Variants in KIF13A observed in about 807,000 individuals in gnomAD.
The protein encoded by KIF13A is kinesin family member 13A, also known as kinesin-like protein KIF13A.
Under a neutral mutation model 212.2 loss-of-function variants are expected in KIF13A, and 79 were observed. The observed-to-expected ratio is 0.37, with a 90% confidence interval of 0.31 to 0.45. The LOEUF (loss-of-function observed/expected upper bound fraction) is 0.45. Among genes scored for constraint, KIF13A ranks in the 20% least tolerant of loss-of-function variants. KIF13A has a pLI of 1.00. For synonymous variants in KIF13A, 789 were observed against 808.6 expected (o/e 0.98, Z 0.41); for missense variants, 1,901 against 2,209.0 (o/e 0.86, Z 2.79).
chr6:17,888,435 G>A lies in KIF13A; in HGVS notation c.159+9733C>T, dbSNP rs529718207. Among the ~76,000 whole-genome samples the A allele has an allele frequency of 1.3e-5, 2 of 152,294 alleles. No individual in the cohort carries two copies. The highest frequency in any genetic ancestry group is 4.8e-5 in the African/African-American group (2 of 41,564). On this transcript the variant is annotated intron_variant, in intron 3 of 38. Transcript: ENST00000259711. This position sits in a 1 kb window ranked among gnomAD's most constrained non-coding sequence, Gnocchi z 4.8. ...GCCTTAGGAAGTATACTGGTGTTCA[G>A]TACTAAGCCATGGGTTTGATCTGAA...
chr6:17,915,878 T>C lies in KIF13A; in HGVS notation c.147-17698A>G, dbSNP rs953048865. On this transcript the variant is annotated intron_variant, in intron 2 of 38. Coordinates refer to ENST00000259711, the MANE Select transcript of KIF13A (RefSeq NM_022113.6). This position sits in a 1 kb window ranked among gnomAD's most constrained non-coding sequence, Gnocchi z 4.4. ...CCAAGAGGCTGAGGTGGTAGGATCA[T>C]TGCAGTAAGCCAAGATGGCACCACT... 6.6e-5 allele frequency among the ~76,000 whole-genome samples: 10 copies of C among 151,514 alleles called. No homozygotes were observed. The highest frequency in any genetic ancestry group is 2.1e-4 in the South Asian group (1 of 4,818).
downstream of KIF13A, among the ~76,000 whole-genome samples, chr6:17,762,801 G>T (rs1243530890): frequency 2.0e-5 from 3 of 152,114 alleles, no homozygotes; most frequent in Non-Finnish European, 4.4e-5. Flanking sequence ...TCTTTTTCTT[G>T]TCAGAGATGA....
intron 32 of KIF13A, 82 bp from the exon 33 acceptor site, chr6:17,779,181 G>T: frequency 8.9e-7 from 1 of 1,129,688 alleles, no homozygotes; most frequent in Non-Finnish European, 1.3e-6. Context: ...CGTTTTAGAA[G>T]TCTGGAGAAT....
At chr6:17,835,791 T>TA (rs1177402126) in intron 11 of KIF13A, among the ~76,000 whole-genome samples, 9 of 152,230 alleles carry the variant, frequency 5.9e-5, no homozygotes, top group Admixed American at 5.9e-4. Flanking sequence ...TACTTTTTGA[T>TA]AAAATATGCT....
At position 17,799,133 on chromosome 6, in the gene KIF13A, G is replaced by A; in HGVS notation, c.2790+133C>T. On this transcript the variant is annotated intron_variant, in intron 22 of 38. Transcript: ENST00000259711. The surrounding 1 kb of genome is among the most constrained non-coding windows in gnomAD (Gnocchi z 4.4). ...TCTAAACTATTTGCATTTGTAATGA[G>A]GTACATTTTTGAGGTTAAAACATCT... 2.1e-6 allele frequency: 1 copy of A among 477,252 alleles called. No homozygotes were observed. Among genetic ancestry groups the A allele is most frequent in the Middle Eastern group, 5.7e-4 (1 of 1,758 alleles). The allele number at this position is 477,252 out of a possible 1,614,324, so 29.6% of individuals were successfully genotyped here.
At chr6:17,790,600 G>C (rs1761447399) in intron 25 of KIF13A, among the ~76,000 whole-genome samples, 1 of 152,082 alleles carries the variant, frequency 6.6e-6, no homozygotes, top group Non-Finnish European at 1.5e-5. Context: ...ATCTCAGTTT[G>C]AGCAATGAGG....
chr6:17,765,886 CAAAT>C (rs1758903511), intron 38 of KIF13A, among the ~76,000 whole-genome samples: 1 of 152,208 alleles, frequency 6.6e-6, no homozygotes, highest in African/African-American at 2.4e-5. Context: ...TTTCATTCAA[CAAAT>C]ACACACTGAA....
intron 2 of KIF13A, among the ~76,000 whole-genome samples, chr6:17,978,403 C>T (rs1780771593): frequency 6.6e-6 from 1 of 152,142 alleles, no homozygotes; most frequent in South Asian, 2.1e-4. Context: ...AAGATAACTC[C>T]TGGATCTCAC....
rs759510643 is a variant in KIF13A at position 17,789,931 on chromosome 6, C to G, written c.3223-21G>C. On this transcript the variant is annotated intron_variant, in intron 25 of 38. Transcript: ENST00000259711. This position sits in a 1 kb window ranked among gnomAD's most constrained non-coding sequence, Gnocchi z 4.8. ...TCTCTCTGGTAGGAAAAAATAAACA[C>G]AAAGGACAAGCATTTTGTTTTTCAA... is the stretch of plus-strand genomic sequence containing the variant. 6.2e-7 allele frequency: 1 copy of G among 1,606,742 alleles called. No individual in the cohort carries two copies. The highest frequency in any genetic ancestry group is 8.5e-7 in the Non-Finnish European group (1 of 1,173,980).
chr6:17,832,361 C>T (rs2147208), intron 12 of KIF13A, among the ~76,000 whole-genome samples: 1 of 152,056 alleles, frequency 6.6e-6, no homozygotes, highest in Non-Finnish European at 1.5e-5. Flanking sequence ...ATATGCTATA[C>T]GTTACAAATT....
At chr6:17,935,806 C>A (rs1461780353) in intron 2 of KIF13A, among the ~76,000 whole-genome samples, 5 of 152,166 alleles carry the variant, frequency 3.3e-5, no homozygotes, top group Non-Finnish European at 5.9e-5. Flanking sequence ...TTGATTAGTA[C>A]AAATGAAGCT....
intron 2 of KIF13A, among the ~76,000 whole-genome samples, chr6:17,916,739 T>G (rs1026309441): frequency 6.6e-6 from 1 of 152,038 alleles, no homozygotes; most frequent in Non-Finnish European, 1.5e-5. Context: ...AACAGGAAAA[T>G]ACAAATGAAT....
At chr6:17,796,977 A>G (rs71556140) in intron 22 of KIF13A, among the ~76,000 whole-genome samples, 157 bp from the exon 23 acceptor site, 8,218 of 152,148 alleles carry the variant, frequency 0.054, 298 homozygotes, top group Non-Finnish European at 0.082. Flanking sequence ...AAAGAACCAC[A>G]GAATGTTAGA....
rs1779041461 is a variant in KIF13A at position 17,963,603 on chromosome 6, G to A, written c.146+23451C>T. Among the ~76,000 whole-genome samples the A allele has an allele frequency of 6.6e-6, 1 of 152,180 alleles. No individual in the cohort carries two copies. Among genetic ancestry groups the A allele is most frequent in the Non-Finnish European group, 1.5e-5 (1 of 68,044 alleles). Reference sequence around the variant, plus strand: ...GACAGAGTCTTGCTGTGTCGCCTAGGCTGGAGTGCTGCGCGTGATCGCAGC... The same window carrying A: ...GACAGAGTCTTGCTGTGTCGCCTAGACTGGAGTGCTGCGCGTGATCGCAGC... On this transcript the variant is annotated intron_variant, in intron 2 of 38. Coordinates refer to ENST00000259711, the MANE Select transcript of KIF13A (RefSeq NM_022113.6). The surrounding 1 kb of genome is among the most constrained non-coding windows in gnomAD (Gnocchi z 4.1).
At chr6:17,884,044 C>G (rs753499724) in intron 3 of KIF13A, among the ~76,000 whole-genome samples, 7 of 152,176 alleles carry the variant, frequency 4.6e-5, no homozygotes, top group Non-Finnish European at 1.0e-4. Context: ...CTCTGCCTTT[C>G]CTCACCTTGC....
At position 17,763,860 on chromosome 6, in the gene KIF13A, G is replaced by C; in HGVS notation, c.*250C>G. On this transcript the variant is annotated 3_prime_UTR_variant, in exon 39 of 39. Coordinates refer to ENST00000259711, the MANE Select transcript of KIF13A (RefSeq NM_022113.6). ...CATCCCAGGGAATGAATATGAGATT[G>C]ATCCTTATCCATCTGAACACTTCAT... 2 of 1,338,542 alleles carry C rather than the reference G, an allele frequency of 1.5e-6. No individual in the cohort carries two copies. The highest frequency in any genetic ancestry group is 1.9e-6 in the Non-Finnish European group (2 of 1,045,840). The allele number at this position is 1,338,542 out of a possible 1,614,324, so 82.9% of individuals were successfully genotyped here.
rs530379357 is a variant in KIF13A at position 17,900,663 on chromosome 6, C to T, written c.147-2483G>A. Among the ~76,000 whole-genome samples the T allele has an allele frequency of 2.6e-5, 4 of 152,336 alleles. No individual in the cohort carries two copies. The East Asian group carries it at 7.7e-4, about 29-fold the overall frequency. On this transcript the variant is annotated intron_variant, in intron 2 of 38. Coordinates refer to ENST00000259711, the MANE Select transcript of KIF13A (RefSeq NM_022113.6). This position sits in a 1 kb window ranked among gnomAD's most constrained non-coding sequence, Gnocchi z 4.6. ...TAGTGCATCATCACTGTACTTCATT[C>T]ATTGATACATCCTCTACTTCATTCA...
At chr6:17,859,096 C>T (rs1250409112) in intron 4 of KIF13A, among the ~76,000 whole-genome samples, 2 of 152,070 alleles carry the variant, frequency 1.3e-5, no homozygotes, top group Non-Finnish European at 2.9e-5. Context: ...GAATTATTTT[C>T]CTAGGTTCTT....
Position 17,787,681 on chromosome 6 carries a change from A to T in KIF13A, c.3361+95T>A. Reference sequence around the variant, plus strand: ...AACAACAACAACAACAACAAAAATAAGATACTACTGTCCAGTTAGGGGAAG... The same window carrying T: ...AACAACAACAACAACAACAAAAATATGATACTACTGTCCAGTTAGGGGAAG... On this transcript the variant is annotated intron_variant, in intron 27 of 38. Coordinates refer to ENST00000259711, the MANE Select transcript of KIF13A (RefSeq NM_022113.6). The surrounding 1 kb of genome is among the most constrained non-coding windows in gnomAD (Gnocchi z 4.6). 2.7e-6 allele frequency: 2 copies of T among 739,598 alleles called. No individual in the cohort carries two copies. Among genetic ancestry groups the T allele is most frequent in the Non-Finnish European group, 4.8e-6 (2 of 415,360 alleles). The allele number at this position is 739,598 out of a possible 1,614,324, so 45.8% of individuals were successfully genotyped here.
Sources: gnomAD v4.1 joint callset for allele counts (sites outside exome capture counted in the v4.1 genomes callset) on GRCh38, gnomAD v4.1.1 for gene constraint, Gnocchi (gnomAD v3.1) non-coding constraint, MANE v1.5 for transcripts, NCBI Gene and HGNC (gene_info 2026-07-23, HGNC 2026-07-21) for gene names.